Variants in CSMD1 observed in about 807,000 individuals in gnomAD.
CSMD1 encodes the protein CUB and sushi domain-containing protein 1.
In CSMD1, 213 loss-of-function variants were observed where a neutral mutation model predicts 417.5. That is an observed-to-expected ratio of 0.51 (90% CI 0.46 to 0.57). CSMD1 has a LOEUF of 0.57. Among genes scored for constraint, CSMD1 ranks in the 20% least tolerant of loss-of-function variants. The probability of loss-of-function intolerance (pLI) is 0.00; values close to 1 mark genes in which losing one functional copy is unlikely to be tolerated. For synonymous variants in CSMD1, 2,862 were observed against 1,736.8 expected (o/e 1.65, Z -16.11); for missense variants, 6,923 against 4,529.7 (o/e 1.53, Z -15.17).
At chr8:2,990,893 C>A (rs945943626) in intron 54 of CSMD1, among the ~76,000 whole-genome samples, 5 of 152,226 alleles carry the variant, frequency 3.3e-5, no homozygotes, top group Admixed American at 2.6e-4. Flanking sequence ...TGGTCAGAGG[C>A]ATCATCCCAG....
intron 7 of CSMD1, among the ~76,000 whole-genome samples, chr8:3,698,921 T>C (rs76341955): frequency 0.027 from 4,181 of 152,278 alleles, 184 homozygotes; most frequent in African/African-American, 0.095. Flanking sequence ...TGTCACAACT[T>C]CCATTCTGTG....
At chr8:3,162,549 G>C (rs140631357) in intron 37 of CSMD1, among the ~76,000 whole-genome samples, 1 of 151,960 alleles carries the variant, frequency 6.6e-6, no homozygotes, top group Non-Finnish European at 1.5e-5. Context: ...ATTGAGTATA[G>C]AAGATCCCAA....
At chr8:4,920,041 C>G (rs1015392293) in intron 1 of CSMD1, among the ~76,000 whole-genome samples, 3 of 152,052 alleles carry the variant, frequency 2.0e-5, no homozygotes, top group Non-Finnish European at 2.9e-5. Context: ...GCTGCAGTAG[C>G]ACAAAAGAGC....
chr8:3,378,786 T>C (rs538906557), intron 18 of CSMD1, among the ~76,000 whole-genome samples: 2 of 152,266 alleles, frequency 1.3e-5, no homozygotes, highest in African/African-American at 4.8e-5. Context: ...CCACAGCCAA[T>C]ATCATGCTGA....
intron 5 of CSMD1, among the ~76,000 whole-genome samples, chr8:3,847,324 G>A (rs947336215): frequency 2.6e-4 from 40 of 152,060 alleles, no homozygotes; most frequent in Admixed American, 2.0e-4. Context: ...CTACTTAGAG[G>A]AACCCTTAAA....
rs1204874467 is a variant in CSMD1, at chr8:4,920,302, T to A, written c.85+74030A>T. 7.2e-5 allele frequency among the ~76,000 whole-genome samples: 11 copies of A among 152,218 alleles called. No homozygotes were observed. In the East Asian group the frequency reaches 2.1e-3, roughly 29 times the overall value. On this transcript the variant is annotated intron_variant, in intron 1 of 69. Coordinates refer to ENST00000635120, the MANE Select transcript of CSMD1 (RefSeq NM_033225.6). ...ATGAGCGATCCAAGGCAGTTCAAGA[T>A]AAGTCAATTTCTTGAGTCTACACAT...
intron 1 of CSMD1, among the ~76,000 whole-genome samples, chr8:4,953,868 T>C (rs1171995839): frequency 6.6e-6 from 1 of 152,162 alleles, no homozygotes; most frequent in Non-Finnish European, 1.5e-5. Context: ...GTTGCAGGAC[T>C]CAACCCTGGG....
chr8:3,485,577 A>T (rs1322989601), intron 11 of CSMD1, among the ~76,000 whole-genome samples: 2 of 151,374 alleles, frequency 1.3e-5, no homozygotes, highest in African/African-American at 2.4e-5. Flanking sequence ...AGAGAGAGAA[A>T]CACAAATGAA....
chr8:3,347,448 C>T (rs996236710), intron 22 of CSMD1, among the ~76,000 whole-genome samples: 1 of 152,200 alleles, frequency 6.6e-6, no homozygotes, highest in Non-Finnish European at 1.5e-5. Context: ...GGCTTGGCTT[C>T]TCCTCATCAG....
At chr8:3,537,214 T>A (rs950816566) in intron 10 of CSMD1, among the ~76,000 whole-genome samples, 1 of 152,084 alleles carries the variant, frequency 6.6e-6, no homozygotes, top group Non-Finnish European at 1.5e-5. Context: ...TTGGCCAAGA[T>A]AGTCAGTCTC....
rs74921867 is a variant in CSMD1 at position 3,052,798 on chromosome 8, G to T, written c.7475-151C>A. On this transcript the variant is annotated intron_variant, in intron 49 of 69. Transcript: ENST00000635120. Reference sequence around the variant, plus strand: ...TTTTTTTTCTTTCTTTTTTTTTTCTGGAGACAAGAGTTTTGTGCTGTCTCC... The same window carrying T: ...TTTTTTTTCTTTCTTTTTTTTTTCTTGAGACAAGAGTTTTGTGCTGTCTCC... Among the ~76,000 whole-genome samples, 641 of 104,036 alleles carry T rather than the reference G, an allele frequency of 6.2e-3. 12 individuals carry two copies. The highest frequency in any genetic ancestry group is 0.024 in the African/African-American group (589 of 24,866). 68.3% of individuals were successfully genotyped at this position (104,036 alleles called of 152,430 possible).
intron 5 of CSMD1, among the ~76,000 whole-genome samples, chr8:3,794,740 A>C (rs1799945165): frequency 6.6e-6 from 1 of 152,106 alleles, no homozygotes; most frequent in African/African-American, 2.4e-5. Context: ...TCACAGTTGC[A>C]ACTTCCAGGT....
chr8:3,216,713 T>G (rs1198921294), intron 29 of CSMD1, among the ~76,000 whole-genome samples: 2 of 152,224 alleles, frequency 1.3e-5, no homozygotes, highest in Admixed American at 1.3e-4. Flanking sequence ...CATAACAGGG[T>G]GTATTTTGTG....
At chr8:4,195,108 C>A in intron 3 of CSMD1, among the ~76,000 whole-genome samples, 1 of 152,150 alleles carries the variant, frequency 6.6e-6, no homozygotes, top group Middle Eastern at 3.2e-3. Context: ...AAACAGAAAC[C>A]AGATGAAACA....
intron 3 of CSMD1, among the ~76,000 whole-genome samples, chr8:4,055,295 G>A (rs942270568): frequency 7.9e-5 from 12 of 152,004 alleles, no homozygotes; most frequent in Non-Finnish European, 1.2e-4. Flanking sequence ...TTTTTCTCTA[G>A]AAAGATTCCA....
At chr8:3,246,766 C>T (rs1027717533) in intron 26 of CSMD1, among the ~76,000 whole-genome samples, 1 of 152,184 alleles carries the variant, frequency 6.6e-6, no homozygotes, top group Non-Finnish European at 1.5e-5. Context: ...AACCACCGGG[C>T]CTGGACTTTT....
intron 1 of CSMD1, among the ~76,000 whole-genome samples, chr8:4,660,548 G>C (rs911384480): frequency 2.6e-5 from 4 of 151,516 alleles, no homozygotes; most frequent in Admixed American, 1.3e-4. Context: ...GCAAGACAAA[G>C]GAACTGGAAT....
At chr8:4,137,567 G>A (rs763885093) in intron 3 of CSMD1, among the ~76,000 whole-genome samples, 1 of 131,354 alleles carries the variant, frequency 7.6e-6, no homozygotes, top group African/African-American at 2.5e-5. Flanking sequence ...ATGGTTACAA[G>A]ATTTGATGTT....
intron 36 of CSMD1, among the ~76,000 whole-genome samples, chr8:3,186,249 G>C (rs575239588): frequency 7.9e-5 from 12 of 152,268 alleles, no homozygotes; most frequent in Admixed American, 1.3e-4. Context: ...TATCTAGCAG[G>C]TACTTTAAGA....
Sources: allele counts gnomAD v4.1 joint callset (sites outside exome capture counted in the v4.1 genomes callset), GRCh38; gene constraint gnomAD v4.1.1; transcripts MANE v1.5; gene names NCBI Gene and HGNC (gene_info 2026-07-23, HGNC 2026-07-21).